The following EHMT1 variants were observed in gnomAD, a reference collection of about 807,000 sequenced individuals.
The protein encoded by EHMT1 is histone-lysine N-methyltransferase EHMT1.
EHMT1 carries 15 observed loss-of-function variants against 147.2 expected under a neutral mutation model. That is an observed-to-expected ratio of 0.10 (90% confidence interval 0.07 to 0.16). EHMT1 has a LOEUF of 0.16. EHMT1 is among the 10% of genes least tolerant of loss of function. The pLI is 1.00. For synonymous variants in EHMT1, 795 were observed against 709.6 expected (o/e 1.12, Z -1.91); for missense variants, 1,587 against 1,772.4 (o/e 0.90, Z 1.88).
intron 1 of EHMT1, among the ~76,000 whole-genome samples, chr9:137,675,802 T>TTTTTTTTTTTTTTTTTTTG (rs35541714): frequency 2.9e-5 from 3 of 104,732 alleles, no homozygotes; most frequent in African/African-American, 1.3e-4. Flanking sequence ...TTTTTTTTTT[T>TTTTTTTTTTTTTTTTTTTG]AGACGGAGTC....
intron 1 of EHMT1, among the ~76,000 whole-genome samples, chr9:137,671,050 G>C (rs1025284217): frequency 6.6e-6 from 1 of 152,212 alleles, no homozygotes; most frequent in African/African-American, 2.4e-5. Flanking sequence ...GCTGTCCCGG[G>C]CCGTGAGCTG....
chr9:137,750,407 C>T (rs930263926), intron 6 of EHMT1, among the ~76,000 whole-genome samples: 1 of 152,144 alleles, frequency 6.6e-6, no homozygotes, highest in African/African-American at 2.4e-5. Context: ...AGACAAACCA[C>T]AATATCAGAC....
At chr9:137,740,546 C>T (rs1406761149) in intron 4 of EHMT1, among the ~76,000 whole-genome samples, 1 of 152,252 alleles carries the variant, frequency 6.6e-6, no homozygotes, top group Non-Finnish European at 1.5e-5. Flanking sequence ...TCCCTGGACA[C>T]AGCTGGAAGT....
At chr9:137,712,770 T>G (rs1306800850) in intron 2 of EHMT1, among the ~76,000 whole-genome samples, 1 of 152,204 alleles carries the variant, frequency 6.6e-6, no homozygotes, top group African/African-American at 2.4e-5. Context: ...TGTTTTCAAT[T>G]TTGATGAAGT....
chr9:137,774,168 T>C (rs1003631198), intron 10 of EHMT1, among the ~76,000 whole-genome samples: 2 of 152,266 alleles, frequency 1.3e-5, no homozygotes, highest in African/African-American at 2.4e-5. Context: ...TGTGATGGCC[T>C]GGACTGTCCT....
At chr9:137,721,867 G>A (rs562174102) in intron 3 of EHMT1, among the ~76,000 whole-genome samples, 1 of 152,272 alleles carries the variant, frequency 6.6e-6, no homozygotes, top group Non-Finnish European at 1.5e-5. Context: ...CTTTCACAGA[G>A]CAAAGGTGTT....
intron 1 of EHMT1, among the ~76,000 whole-genome samples, chr9:137,660,771 T>C (rs570874454): frequency 7.2e-5 from 11 of 152,336 alleles, no homozygotes; most frequent in African/African-American, 2.4e-4. Context: ...TGCCATCTTT[T>C]GCAGGTTTCT....
At chr9:137,701,385 GT>G (rs1196279986) in intron 1 of EHMT1, among the ~76,000 whole-genome samples, 2 of 151,834 alleles carry the variant, frequency 1.3e-5, no homozygotes, top group East Asian at 3.9e-4. Flanking sequence ...CCAGGCTCTA[GT>G]GATTCTCCTG....
At chr9:137,652,165 A>T (rs1937910140) in intron 1 of EHMT1, among the ~76,000 whole-genome samples, 1 of 152,164 alleles carries the variant, frequency 6.6e-6, no homozygotes, top group Non-Finnish European at 1.5e-5. Flanking sequence ...GCCTCTGAAG[A>T]TCTTCTAGGG....
At chr9:137,774,996 C>T in intron 10 of EHMT1, 113 bp from the exon 11 acceptor site, 1 of 1,501,574 alleles carries the variant, frequency 6.7e-7, no homozygotes, top group Non-Finnish European at 9.2e-7. Flanking sequence ...TCGGCTCAGT[C>T]AGCCCACACC....
chr9:137,619,078 G>T, intron 1 of EHMT1, 29 bp downstream of exon 1: 1 of 782,632 alleles, frequency 1.3e-6, no homozygotes, highest in Non-Finnish European at 1.5e-6. Context: ...GGGGGGCGGC[G>T]CGGGGGCGGC....
Position 137,803,214 on chromosome 9 carries a change from T to G in EHMT1, c.2712+2230T>G. 7.7e-6 allele frequency: 9 copies of G among 1,164,592 alleles called. 1 individual carries two copies. The South Asian group carries it at 3.9e-4, about 51-fold the overall frequency. 72.1% of individuals were successfully genotyped at this position (1,164,592 alleles called of 1,614,324 possible). On this transcript the variant is annotated intron_variant, in intron 18 of 26. Coordinates refer to ENST00000460843, the MANE Select transcript of EHMT1 (RefSeq NM_024757.5). The stretch of plus-strand genomic sequence containing the variant: ...TTATTTATACAATGAAACACTTCAT[T>G]AATTTAACCACTTTATTGCTGTATA...
intron 24 of EHMT1, 161 bp downstream of exon 24, chr9:137,817,686 G>A (rs538608801): frequency 1.2e-4 from 104 of 875,244 alleles, no homozygotes; most frequent in South Asian, 8.6e-4. Flanking sequence ...AACCAAGCTC[G>A]TGCTGTCCTC....
At chr9:137,827,081 C>G (rs531125610) in intron 25 of EHMT1, among the ~76,000 whole-genome samples, 4 of 152,316 alleles carry the variant, frequency 2.6e-5, no homozygotes, top group Non-Finnish European at 5.9e-5. Context: ...CATGGACTTT[C>G]TGTGCTTCCT....
chr9:137,764,960 G>T (rs964213255), intron 10 of EHMT1, among the ~76,000 whole-genome samples: 1 of 152,208 alleles, frequency 6.6e-6, no homozygotes, highest in Non-Finnish European at 1.5e-5. Context: ...CAAAGACTTG[G>T]TTTACATTCA....
chr9:137,655,455 T>A (rs899646857), intron 1 of EHMT1, among the ~76,000 whole-genome samples: 1 of 152,224 alleles, frequency 6.6e-6, no homozygotes, highest in African/African-American at 2.4e-5. Flanking sequence ...TTTTCCTTAA[T>A]GAGGAAGATA....
In EHMT1 at chr9:137,798,842, G is replaced by A. The variant is rs2137312228; in HGVS notation, c.2535G>A (p.Leu845=). 1 of 1,614,186 alleles carries A rather than the reference G, an allele frequency of 6.2e-7. No individual in the cohort carries two copies. Among genetic ancestry groups the A allele is most frequent in the Non-Finnish European group, 8.5e-7 (1 of 1,180,018 alleles). Reference sequence around the variant, plus strand: ...CAGAGGGCTCTACGTGTTTGCACCTGGCTGCCAAGAAAGGCCACTACGAAG... The same window carrying A: ...CAGAGGGCTCTACGTGTTTGCACCTAGCTGCCAAGAAAGGCCACTACGAAG... ...KDAEGSTCLH[L]AAKKGHYEVV... Residue 845 remains leucine, a synonymous_variant, in exon 17 of 27, where the codon CTG becomes CTA. Coordinates refer to ENST00000460843, the MANE Select transcript of EHMT1 (RefSeq NM_024757.5).
intron 4 of EHMT1, among the ~76,000 whole-genome samples, chr9:137,737,467 T>A (rs942138995): frequency 6.6e-6 from 1 of 151,942 alleles, no homozygotes; most frequent in Non-Finnish European, 1.5e-5. Flanking sequence ...TGCAGAAGAG[T>A]GATACTGGAC....
chr9:137,774,199 T>C (rs1280280888), intron 10 of EHMT1, among the ~76,000 whole-genome samples: 2 of 152,248 alleles, frequency 1.3e-5, no homozygotes, highest in Non-Finnish European at 2.9e-5. Flanking sequence ...CGTTCATGTT[T>C]CCTGGATACC....
Sources: allele counts gnomAD v4.1 joint callset (sites outside exome capture counted in the v4.1 genomes callset), GRCh38; gene constraint gnomAD v4.1.1; transcripts MANE v1.5; gene names NCBI Gene and HGNC (gene_info 2026-07-23, HGNC 2026-07-21).